Variants in ITPR2 observed in about 807,000 individuals in gnomAD.
The protein encoded by ITPR2 is inositol 1,4,5-trisphosphate receptor type 2.
In ITPR2, 207 loss-of-function variants were observed where a neutral mutation model predicts 317.1. The ratio of observed to expected loss-of-function variants is 0.65; its 90% CI spans 0.58 to 0.73. The LOEUF (loss-of-function observed/expected upper bound fraction) is 0.73, where lower values mean the gene tolerates loss of function less well. Among genes scored for constraint, ITPR2 ranks in the 30% least tolerant of loss-of-function variants. The pLI, the probability that ITPR2 is intolerant of heterozygous loss-of-function variation, is 0.00. For synonymous variants in ITPR2, 1,156 were observed against 1,149.1 expected (o/e 1.01, Z -0.12); for missense variants, 2,613 against 3,284.0 (o/e 0.80, Z 4.99).
intron 34 of ITPR2, among the ~76,000 whole-genome samples, chr12:26,564,829 T>G (rs1191355925): frequency 6.6e-6 from 1 of 152,220 alleles, no homozygotes; most frequent in Non-Finnish European, 1.5e-5. Context: ...ACTCCTAGTC[T>G]CCAAATTGTG....
At chr12:26,793,328 C>T (rs1458064373) in intron 1 of ITPR2, among the ~76,000 whole-genome samples, 2 of 152,088 alleles carry the variant, frequency 1.3e-5, no homozygotes, top group Non-Finnish European at 2.9e-5. Flanking sequence ...ATCAGTGTTC[C>T]CCAAATTTGG....
chr12:26,646,428 C>T (rs1348840155), intron 21 of ITPR2, among the ~76,000 whole-genome samples: 2 of 152,108 alleles, frequency 1.3e-5, no homozygotes, highest in African/African-American at 4.8e-5. Flanking sequence ...AGATAATGTG[C>T]AGTCCCTATA....
chr12:26,548,415 C>A (rs755990978), intron 37 of ITPR2, among the ~76,000 whole-genome samples: 4 of 152,052 alleles, frequency 2.6e-5, no homozygotes, highest in Non-Finnish European at 5.9e-5. Context: ...CTGTGCAGAG[C>A]CCCTGATGGT....
chr12:26,671,506 T>C (rs1407176426), intron 13 of ITPR2, among the ~76,000 whole-genome samples: 1 of 151,718 alleles, frequency 6.6e-6, no homozygotes, highest in East Asian at 1.9e-4. Context: ...TGCTGAGAGA[T>C]TTTGTCACCA....
chr12:26,812,177 A>G (rs894295262), intron 1 of ITPR2, among the ~76,000 whole-genome samples: 1 of 151,500 alleles, frequency 6.6e-6, no homozygotes, highest in Non-Finnish European at 1.5e-5. Context: ...AAAAAAAAAA[A>G]GTAAAGAAAT....
At chr12:26,457,752 C>T (rs1176810630) in intron 45 of ITPR2, among the ~76,000 whole-genome samples, 1 of 152,164 alleles carries the variant, frequency 6.6e-6, no homozygotes, top group East Asian at 1.9e-4. Flanking sequence ...CTGGGTTCAA[C>T]TGCATTATAT....
At chr12:26,485,679 A>T (rs1942649757) in intron 41 of ITPR2, among the ~76,000 whole-genome samples, 1 of 152,248 alleles carries the variant, frequency 6.6e-6, no homozygotes. Flanking sequence ...TCAAATGAAG[A>T]CATACAAATA....
rs541098363 is a variant in ITPR2, at chr12:26,555,032, T to G, written c.4964+1201A>C. ...ACTTTAAAATCCTTACTCACAAGAC[T>G]GGCAGGTGTCTGGACAAATACACTC... On this transcript the variant is annotated intron_variant, in intron 36 of 56. Transcript: ENST00000381340. Among the ~76,000 whole-genome samples, 37 of 152,316 alleles carry G rather than the reference T, an allele frequency of 2.4e-4. No homozygotes were observed. In the South Asian group the frequency reaches 7.0e-3, roughly 29 times the overall value.
At chr12:26,603,956 A>G (rs1946061570) in intron 26 of ITPR2, among the ~76,000 whole-genome samples, 1 of 152,160 alleles carries the variant, frequency 6.6e-6, no homozygotes, top group Non-Finnish European at 1.5e-5. Flanking sequence ...ATGTGGGTCC[A>G]GAACACCCTA....
chr12:26,407,006 C>A (rs1201687368), intron 52 of ITPR2, among the ~76,000 whole-genome samples: 4 of 152,144 alleles, frequency 2.6e-5, no homozygotes, highest in Non-Finnish European at 1.5e-5. Context: ...GTATCTGTGA[C>A]ACATCTCCAG....
intron 56 of ITPR2, among the ~76,000 whole-genome samples, chr12:26,339,957 G>A (rs1182501124): frequency 2.0e-5 from 3 of 152,140 alleles, no homozygotes; most frequent in Admixed American, 1.3e-4. Flanking sequence ...TTCCATAGAA[G>A]GAGAAGTGTC....
chr12:26,652,866 T>A (rs1352118949), intron 21 of ITPR2, among the ~76,000 whole-genome samples: 1 of 152,360 alleles, frequency 6.6e-6, no homozygotes, highest in East Asian at 1.9e-4. Flanking sequence ...CTCTTCGATA[T>A]ACCTTCTGCA....
intron 32 of ITPR2, among the ~76,000 whole-genome samples, chr12:26,583,898 T>TC (rs1356200655): frequency 6.6e-6 from 1 of 152,064 alleles, no homozygotes; most frequent in Non-Finnish European, 1.5e-5. Context: ...GAAAAAAAAA[T>TC]CCATCTTTTG....
At chr12:26,748,803 A>G (rs12425112) in intron 2 of ITPR2, among the ~76,000 whole-genome samples, 4,973 of 152,330 alleles carry the variant, frequency 0.033, 464 homozygotes, top group Admixed American at 0.19. Flanking sequence ...GTTAGAAGGA[A>G]CTTAAAATGT....
intron 26 of ITPR2, among the ~76,000 whole-genome samples, chr12:26,612,697 A>T (rs1220731601): frequency 6.6e-6 from 1 of 152,192 alleles, no homozygotes; most frequent in Non-Finnish European, 1.5e-5. Flanking sequence ...CTGAATTCGT[A>T]CAACAGCCTC....
rs59014121 is a variant in ITPR2 at position 26,786,449 on chromosome 12, TA to T, written c.163+3707del. Among the ~76,000 whole-genome samples the T allele has an allele frequency of 1.6e-3, 193 of 119,222 alleles. 1 individual carries two copies. Among genetic ancestry groups the T allele is most frequent in the Middle Eastern group, 8.6e-3 (2 of 232 alleles). 78.2% of individuals were successfully genotyped at this position (119,222 alleles called of 152,430 possible). A position where few individuals can be genotyped will look rare whatever the true frequency, so the allele number is the denominator to read the frequency against. On this transcript the variant is annotated intron_variant, in intron 2 of 56. Coordinates refer to ENST00000381340, the MANE Select transcript of ITPR2 (RefSeq NM_002223.4). ...GCGAGAAACACCCAAGAATGATCAA[TA>T]AAAAAAAAAAAAAAAAAAAATGGAG...
chr12:26,349,009 G>A (rs1938396101), intron 55 of ITPR2, among the ~76,000 whole-genome samples: 1 of 152,146 alleles, frequency 6.6e-6, no homozygotes, highest in African/African-American at 2.4e-5. Context: ...TTAACTGTGT[G>A]TGGTGGCGCA....
In ITPR2 at chr12:26,782,070, A is replaced by AGAGAGAGAGC. The variant is rs1332997577; in HGVS notation, c.163+8086_163+8087insGCTCTCTCTC. Among the ~76,000 whole-genome samples the AGAGAGAGAGC allele has an allele frequency of 1.3e-3, 157 of 122,576 alleles. 2 individuals carry two copies. Among genetic ancestry groups the AGAGAGAGAGC allele is most frequent in the Non-Finnish European group, 2.0e-3 (117 of 57,684 alleles). The allele number at this position is 122,576 out of a possible 152,430, so 80.4% of individuals were successfully genotyped here. A position where few individuals can be genotyped will look rare whatever the true frequency, so the allele number is the denominator to read the frequency against. On this transcript the variant is annotated intron_variant, in intron 2 of 56. Coordinates refer to ENST00000381340, the MANE Select transcript of ITPR2 (RefSeq NM_002223.4). Reference sequence around the variant, plus strand: ...GAGAGAGAGAGAGAGAGAGAGAGAGAGAGCGAGAGAGATCCTATTAGTTCT... The same window carrying AGAGAGAGAGC: ...GAGAGAGAGAGAGAGAGAGAGAGAGAGAGAGAGAGCGAGCGAGAGAGATCCTATTAGTTCT...
intron 45 of ITPR2, among the ~76,000 whole-genome samples, chr12:26,464,433 G>A (rs1046055182): frequency 2.0e-5 from 3 of 152,096 alleles, no homozygotes; most frequent in Non-Finnish European, 2.9e-5. Context: ...ATCTAATAGC[G>A]CCACTGATCT....
Sources: allele counts gnomAD v4.1 joint callset (sites outside exome capture counted in the v4.1 genomes callset), GRCh38; gene constraint gnomAD v4.1.1; transcripts MANE v1.5; gene names NCBI Gene and HGNC (gene_info 2026-07-23, HGNC 2026-07-21).